The following PTPRM variants were observed in gnomAD, a reference collection of about 807,000 sequenced individuals.
The protein encoded by PTPRM is protein tyrosine phosphatase receptor type M, also known as receptor-type tyrosine-protein phosphatase mu.
A neutral mutation model predicts 186.7 loss-of-function variants in PTPRM; 47 were observed. That is an observed-to-expected ratio of 0.25 (90% CI 0.20 to 0.32). The LOEUF (loss-of-function observed/expected upper bound fraction) is 0.32. PTPRM is among the 10% of genes least tolerant of loss of function. The pLI is 1.00. For missense variants in PTPRM, 1,494 were observed against 1,865.0 expected, an observed-to-expected ratio of 0.80 and a Z score of 3.66; for synonymous variants, 668 against 674.9, an observed-to-expected ratio of 0.99 and a Z score of 0.16.
At chr18:7,845,068 A>T (rs1273267809) in intron 2 of PTPRM, among the ~76,000 whole-genome samples, 2 of 152,178 alleles carry the variant, frequency 1.3e-5, no homozygotes, top group Admixed American at 1.3e-4. Context: ...TAAGATTCTT[A>T]GCCTTTTATC....
rs1198743085 is a variant in PTPRM, at chr18:7,568,736, A to ACG, written c.73+854_73+855dup. 2.0e-5 allele frequency among the ~76,000 whole-genome samples: 3 copies of ACG among 152,108 alleles called. No individual in the cohort carries two copies. The highest frequency in any genetic ancestry group is 4.4e-5 in the Non-Finnish European group (3 of 68,008). On this transcript the variant is annotated intron_variant, in intron 1 of 32. Coordinates refer to ENST00000580170, the MANE Select transcript of PTPRM (RefSeq NM_001105244.2). This position sits in a 1 kb window ranked among gnomAD's most constrained non-coding sequence, Gnocchi z 5.1. Reference sequence around the variant, plus strand: ...TGAGTGTGTGCGCGTGTGTGCCTGCACGCGCGCGCGGGGGCGTTCTAAGCC... The same window carrying ACG: ...TGAGTGTGTGCGCGTGTGTGCCTGCACGCGCGCGCGCGGGGGCGTTCTAAGCC...
chr18:8,093,919 A>T (rs989259047), intron 11 of PTPRM, among the ~76,000 whole-genome samples: 1 of 152,190 alleles, frequency 6.6e-6, no homozygotes, highest in Non-Finnish European at 1.5e-5. Context: ...CTTTAAGTAT[A>T]TGAATCTCTT....
At chr18:8,197,065 T>C (rs887603110) in intron 14 of PTPRM, among the ~76,000 whole-genome samples, 4 of 152,218 alleles carry the variant, frequency 2.6e-5, no homozygotes, top group African/African-American at 9.7e-5. Context: ...TATTTAACTC[T>C]GGTTTGTTTT....
At chr18:7,760,155 G>A (rs1031625762) in intron 1 of PTPRM, among the ~76,000 whole-genome samples, 5 of 152,096 alleles carry the variant, frequency 3.3e-5, no homozygotes, top group African/African-American at 1.2e-4. Flanking sequence ...TTAGCATTGA[G>A]CTTAGCCATC....
intron 9 of PTPRM, among the ~76,000 whole-genome samples, chr18:8,082,155 A>G (rs1196798144): frequency 1.3e-5 from 2 of 152,134 alleles, no homozygotes; most frequent in Non-Finnish European, 2.9e-5. Context: ...TGAGTGCCAA[A>G]TATTTACTGA....
At chr18:8,368,843 A>AC (rs2095647881) in intron 23 of PTPRM, among the ~76,000 whole-genome samples, 1 of 152,234 alleles carries the variant, frequency 6.6e-6, no homozygotes, top group East Asian at 1.9e-4. Flanking sequence ...GGACACAGCG[A>AC]TCAGGTGTTG....
chr18:7,724,266 T>C (rs568561561), intron 1 of PTPRM, among the ~76,000 whole-genome samples: 5 of 152,348 alleles, frequency 3.3e-5, no homozygotes, highest in African/African-American at 1.2e-4. Flanking sequence ...TTTCTTCTTA[T>C]GTGTTTTCTT....
At chr18:7,803,596 C>G (rs2044082749) in intron 2 of PTPRM, among the ~76,000 whole-genome samples, 1 of 152,158 alleles carries the variant, frequency 6.6e-6, no homozygotes, top group African/African-American at 2.4e-5. Flanking sequence ...GACAAAAGAA[C>G]AAAGTATGTA....
intron 1 of PTPRM, among the ~76,000 whole-genome samples, chr18:7,615,970 C>G (rs1455618844): frequency 6.6e-6 from 1 of 152,018 alleles, no homozygotes; most frequent in African/African-American, 2.4e-5. Context: ...GGTGTGCACT[C>G]CTATGAGAAT....
At chr18:7,764,551 G>A (rs1327150460) in intron 1 of PTPRM, among the ~76,000 whole-genome samples, 1 of 152,200 alleles carries the variant, frequency 6.6e-6, no homozygotes, top group African/African-American at 2.4e-5. Context: ...ATCCAGAACA[G>A]TGATTACCAA....
chr18:8,118,023 G>A (rs908351342), intron 13 of PTPRM, among the ~76,000 whole-genome samples: 3 of 152,014 alleles, frequency 2.0e-5, no homozygotes, highest in Admixed American at 6.6e-5. Flanking sequence ...CTAGTAGGGT[G>A]GAAACTCTTT....
chr18:8,182,168 CT>C (rs1238579619), intron 14 of PTPRM, among the ~76,000 whole-genome samples: 1 of 152,010 alleles, frequency 6.6e-6, no homozygotes, highest in East Asian at 1.9e-4. Context: ...TCAAAAATGT[CT>C]TTTTTATATG....
At chr18:8,230,785 A>T (rs2094277128) in intron 14 of PTPRM, among the ~76,000 whole-genome samples, 1 of 152,166 alleles carries the variant, frequency 6.6e-6, no homozygotes, top group South Asian at 2.1e-4. Flanking sequence ...TCTTTCTTAA[A>T]ATTTTACCTT....
At chr18:7,821,161 C>G (rs1261601305) in intron 2 of PTPRM, among the ~76,000 whole-genome samples, 1 of 152,170 alleles carries the variant, frequency 6.6e-6, no homozygotes, top group Non-Finnish European at 1.5e-5. Flanking sequence ...GGACGTTGTT[C>G]TGGCTCTATG....
intron 7 of PTPRM, among the ~76,000 whole-genome samples, chr18:8,019,973 G>A (rs1011752222): frequency 6.6e-6 from 1 of 151,706 alleles, no homozygotes; most frequent in Admixed American, 6.6e-5. Flanking sequence ...ATTTTAAAAA[G>A]GGGACCTTTT....
intron 19 of PTPRM, among the ~76,000 whole-genome samples, chr18:8,259,529 A>C (rs1250825329): frequency 6.7e-6 from 1 of 148,980 alleles, no homozygotes; most frequent in Admixed American, 6.7e-5. Context: ...TAAGTAAAAC[A>C]GCTGACTTTG....
At chr18:8,206,147 C>A (rs984887460) in intron 14 of PTPRM, among the ~76,000 whole-genome samples, 1 of 151,882 alleles carries the variant, frequency 6.6e-6, no homozygotes. Flanking sequence ...GAAGATGCAC[C>A]AAGAAATGGC....
rs1417310588 is a variant in PTPRM at position 7,567,823 on chromosome 18, G to A, written c.5G>A (p.Arg2Lys). 16 of 1,554,870 alleles carry A rather than the reference G, an allele frequency of 1.0e-5. No homozygotes were observed. Among genetic ancestry groups the A allele is most frequent in the Admixed American group, 2.0e-5 (1 of 50,430 alleles). The change falls in exon 1 of 33, where the codon AGG becomes AAG. Residue 2 changes from arginine (R) to lysine (K), a missense_variant. This residue lies in a region of PTPRM where 296 missense variants were observed against 345.5 expected (regional missense o/e 0.86). Coordinates refer to ENST00000580170, the MANE Select transcript of PTPRM (RefSeq NM_001105244.2). The surrounding 1 kb of genome is among the most constrained non-coding windows in gnomAD (Gnocchi z 4.3). Reference protein sequence around the residue: MRGLGTCLATLA... With the variant: MKGLGTCLATLA... ...GCCCGGCCCGCACTCAGCACCATGA[G>A]GGGACTTGGGACTTGCCTGGCGACT...
chr18:8,285,096 C>G (rs952982160), intron 19 of PTPRM, among the ~76,000 whole-genome samples: 1 of 152,166 alleles, frequency 6.6e-6, no homozygotes, highest in African/African-American at 2.4e-5. Context: ...GCATTTCCAT[C>G]AACATTCTAC....
Sources: gnomAD v4.1 joint callset for allele counts (sites outside exome capture counted in the v4.1 genomes callset) on GRCh38, gnomAD v4.1.1 for gene constraint, gnomAD v4.1.1 regional missense constraint, Gnocchi (gnomAD v3.1) non-coding constraint, MANE v1.5 for transcripts, NCBI Gene and HGNC (gene_info 2026-07-23, HGNC 2026-07-21) for gene names.